The following C8orf34 variants were observed in gnomAD, a reference collection of about 807,000 sequenced individuals.
The protein encoded by C8orf34 is uncharacterized protein C8orf34.
In C8orf34, 65 loss-of-function variants were observed where a neutral mutation model predicts 68.3. The ratio of observed to expected loss-of-function variants is 0.95; its 90% CI spans 0.78 to 1.17. The LOEUF (loss-of-function observed/expected upper bound fraction) is 1.17. C8orf34 is among the 50% of genes most tolerant of loss of function. The probability of loss-of-function intolerance (pLI) is 0.00; values close to 1 mark genes in which losing one functional copy is unlikely to be tolerated. For synonymous variants in C8orf34, 244 were observed against 241.2 expected (o/e 1.01, Z -0.11); for missense variants, 664 against 655.4 (o/e 1.01, Z -0.14).
At chr8:68,518,869 G>A (rs965716482) in intron 5 of C8orf34, among the ~76,000 whole-genome samples, 10 of 140,260 alleles carry the variant, frequency 7.1e-5, no homozygotes, top group African/African-American at 2.9e-4. Context: ...ACTCCAGCCT[G>A]GCGACAGAGC....
intron 1 of C8orf34, among the ~76,000 whole-genome samples, chr8:68,419,355 T>C (rs1180502356): frequency 2.7e-5 from 4 of 148,644 alleles, no homozygotes; most frequent in African/African-American, 1.0e-4. Context: ...TGTGGAGAAA[T>C]AGGAACACTT....
chr8:68,761,210 T>C (rs1235174922), intron 10 of C8orf34, among the ~76,000 whole-genome samples: 1 of 152,194 alleles, frequency 6.6e-6, no homozygotes, highest in African/African-American at 2.4e-5. Flanking sequence ...TCACTACCAA[T>C]CTGCCTCAAT....
At chr8:68,633,786 G>A (rs1306701930) in intron 7 of C8orf34, among the ~76,000 whole-genome samples, 2 of 151,228 alleles carry the variant, frequency 1.3e-5, no homozygotes, top group Non-Finnish European at 2.9e-5. Flanking sequence ...AGAAAAAAGA[G>A]AGGAAGAAAG....
intron 10 of C8orf34, among the ~76,000 whole-genome samples, chr8:68,767,622 C>G (rs1422763540): frequency 6.6e-6 from 1 of 152,186 alleles, no homozygotes; most frequent in Non-Finnish European, 1.5e-5. Context: ...TATGACCATT[C>G]ATTCATTCAT....
intron 5 of C8orf34, among the ~76,000 whole-genome samples, chr8:68,512,110 G>A (rs539402439): frequency 1.2e-4 from 18 of 152,232 alleles, no homozygotes; most frequent in African/African-American, 4.3e-4. Context: ...ATTAAAACAA[G>A]ACAATAATTG....
At chr8:68,554,542 C>A (rs562302613) in intron 7 of C8orf34, among the ~76,000 whole-genome samples, 1 of 152,106 alleles carries the variant, frequency 6.6e-6, no homozygotes, top group East Asian at 1.9e-4. Context: ...TATTCATGGT[C>A]CTTAATATAA....
At chr8:68,607,723 G>T (rs1316001067) in intron 7 of C8orf34, among the ~76,000 whole-genome samples, 1 of 152,084 alleles carries the variant, frequency 6.6e-6, no homozygotes, top group East Asian at 1.9e-4. Flanking sequence ...CTACAAGACT[G>T]TTGAATATCA....
intron 8 of C8orf34, among the ~76,000 whole-genome samples, chr8:68,655,772 A>T (rs919403767): frequency 1.3e-5 from 2 of 152,138 alleles, no homozygotes; most frequent in African/African-American, 4.8e-5. Flanking sequence ...TGTTTAGGGG[A>T]TGGGGGAAAC....
intron 7 of C8orf34, among the ~76,000 whole-genome samples, chr8:68,634,966 A>G (rs1818793044): frequency 1.3e-5 from 2 of 152,128 alleles, no homozygotes; most frequent in Admixed American, 1.3e-4. Context: ...CCAGCAAATG[A>G]ATTCCAGAAG....
intron 12 of C8orf34, among the ~76,000 whole-genome samples, chr8:68,793,198 C>T (rs1824064013): frequency 6.6e-6 from 1 of 151,906 alleles, no homozygotes. Flanking sequence ...ATCTAAAAAA[C>T]AACAAGAAAA....
intron 5 of C8orf34, among the ~76,000 whole-genome samples, chr8:68,496,556 A>T (rs1813532092): frequency 6.6e-6 from 1 of 152,216 alleles, no homozygotes; most frequent in Non-Finnish European, 1.5e-5. Context: ...TGTACCATTG[A>T]CATCAGCTGT....
intron 8 of C8orf34, among the ~76,000 whole-genome samples, chr8:68,660,155 A>G (rs1319713884): frequency 2.0e-5 from 3 of 152,116 alleles, no homozygotes; most frequent in Non-Finnish European, 4.4e-5. Context: ...ACAGAGGAGG[A>G]AAAAGGAGAA....
chr8:68,779,197 A>T (rs1823605906), intron 11 of C8orf34, among the ~76,000 whole-genome samples: 3 of 145,702 alleles, frequency 2.1e-5, no homozygotes, highest in Admixed American at 6.8e-5. Flanking sequence ...ACACACACAC[A>T]CACACACACA....
chr8:68,653,379 A>G (rs1819418642), intron 8 of C8orf34, among the ~76,000 whole-genome samples: 1 of 152,210 alleles, frequency 6.6e-6, no homozygotes, highest in African/African-American at 2.4e-5. Flanking sequence ...TCTGGTAAAT[A>G]ATCGGTTCCT....
intron 7 of C8orf34, among the ~76,000 whole-genome samples, chr8:68,538,813 T>C (rs1815589415): frequency 6.6e-6 from 1 of 152,190 alleles, no homozygotes; most frequent in Non-Finnish European, 1.5e-5. Flanking sequence ...GTTAAGGATG[T>C]ATAGAAAATT....
intron 12 of C8orf34, among the ~76,000 whole-genome samples, chr8:68,806,297 T>G (rs984296283): frequency 1.3e-5 from 2 of 152,122 alleles, no homozygotes; most frequent in African/African-American, 4.8e-5. Flanking sequence ...AATTCCATAT[T>G]GGATCACCTT....
chr8:68,605,960 G>GT (rs1817841305), intron 7 of C8orf34, among the ~76,000 whole-genome samples: 1 of 152,064 alleles, frequency 6.6e-6, no homozygotes, highest in Non-Finnish European at 1.5e-5. Context: ...GGTGGTGTGT[G>GT]TGGGGGGCAG....
At chr8:68,539,442 A>G (rs1220545131) in intron 7 of C8orf34, among the ~76,000 whole-genome samples, 1 of 152,242 alleles carries the variant, frequency 6.6e-6, no homozygotes, top group African/African-American at 2.4e-5. Context: ...GAAGCATTAA[A>G]ACTCTTGATG....
chr8:68,782,581 G>A (rs1305486114), intron 11 of C8orf34, among the ~76,000 whole-genome samples: 1 of 151,992 alleles, frequency 6.6e-6, no homozygotes, highest in African/African-American at 2.4e-5. Context: ...TATCCCAAAA[G>A]AGACTTTAGC....
Sources: allele counts gnomAD v4.1 joint callset (sites outside exome capture counted in the v4.1 genomes callset), GRCh38; gene constraint gnomAD v4.1.1; transcripts MANE v1.5; gene names NCBI Gene and HGNC (gene_info 2026-07-23, HGNC 2026-07-21).